OVCH1: variants seen among roughly 807,000 people sequenced by gnomAD.
The protein encoded by OVCH1 is ovochymase-1.
A neutral mutation model predicts 138.4 loss-of-function variants in OVCH1; 139 were observed. The ratio of observed to expected loss-of-function variants is 1.00; its 90% CI spans 0.87 to 1.16. OVCH1 has a LOEUF of 1.16. Ranked by LOEUF, OVCH1 falls within the 50% of genes most tolerant of loss-of-function variation. The pLI, the probability that OVCH1 is intolerant of heterozygous loss-of-function variation, is 0.00. For missense variants in OVCH1, 1,367 were observed against 1,357.9 expected, an observed-to-expected ratio of 1.01 and a Z score of -0.11; for synonymous variants, 453 against 467.8, an observed-to-expected ratio of 0.97 and a Z score of 0.41.
intron 25 of OVCH1, chr12:29,439,532 CTA>C: frequency 1.5e-6 from 2 of 1,330,516 alleles, no homozygotes; most frequent in Non-Finnish European, 1.9e-6. Flanking sequence ...GGAAAAATCT[CTA>C]TCTCTACTAC....
At chr12:29,454,862 G>T (rs1941900229) in exon 21 of OVCH1, 1 of 1,611,394 alleles carries the variant, frequency 6.2e-7, no homozygotes. Context: ...GCACTGTCTG[G>T]TGAAGGTGTG....
At chr12:29,437,359 T>C (rs1941382851) in intron 26 of OVCH1, among the ~76,000 whole-genome samples, 1 of 152,224 alleles carries the variant, frequency 6.6e-6, no homozygotes, top group East Asian at 1.9e-4. Flanking sequence ...TTATTTATTG[T>C]ACTTAATAAT....
chr12:29,477,693 T>C (rs1942790051), intron 9 of OVCH1: 7 of 1,246,410 alleles, frequency 5.6e-6, no homozygotes, highest in Non-Finnish European at 7.8e-6. Flanking sequence ...CAAATTCTAC[T>C]TATTCTTCAG....
chr12:29,411,002 G>GT (rs940185197), downstream of OVCH1, among the ~76,000 whole-genome samples: 1 of 151,174 alleles, frequency 6.6e-6, no homozygotes, highest in African/African-American at 2.4e-5. Flanking sequence ...TGGAGGCTTA[G>GT]TTTTTTTTAT....
chr12:29,477,569 G>A (rs1942785423), exon 10 of OVCH1: 1 of 1,613,732 alleles, frequency 6.2e-7, no homozygotes, highest in East Asian at 2.2e-5. Context: ...TTCCATGAGA[G>A]ATCTCTGATC....
intron 3 of OVCH1, among the ~76,000 whole-genome samples, chr12:29,413,062 A>G (rs1163239174): frequency 1.4e-5 from 2 of 147,692 alleles, no homozygotes; most frequent in Non-Finnish European, 3.0e-5. Context: ...AGATCTTGCC[A>G]TTTTGCCTGA....
chr12:29,476,379 A>G lies in OVCH1; in HGVS notation c.1378-80T>C, dbSNP rs1288330253. ...TTAAAGGGTTTTCCTCTGTGTATTT[A>G]AAGGCTCTTTGTCACATCCTCATAT... On this transcript the variant is annotated intron_variant, in intron 12 of 27. Coordinates refer to ENST00000318184, the Ensembl canonical transcript of OVCH1. The G allele has an allele frequency of 2.5e-6, 3 of 1,180,168 alleles. No homozygotes were observed. In the East Asian group the frequency reaches 7.0e-5, roughly 28 times the overall value. The allele number at this position is 1,180,168 out of a possible 1,614,324, so 73.1% of individuals were successfully genotyped here. A position where few individuals can be genotyped will look rare whatever the true frequency, so the allele number is the denominator to read the frequency against.
chr12:29,418,760 C>T (rs961913449), intron 3 of OVCH1, among the ~76,000 whole-genome samples: 5 of 152,254 alleles, frequency 3.3e-5, no homozygotes, highest in Admixed American at 2.0e-4. Flanking sequence ...TTGTCTGTGA[C>T]AGTATTTGTC....
intron 20 of OVCH1, 74 bp downstream of exon 20, chr12:29,455,175 T>C (rs1273922176): frequency 2.0e-6 from 3 of 1,490,714 alleles, no homozygotes; most frequent in Non-Finnish European, 1.8e-6. Flanking sequence ...TGCTAATTTA[T>C]ACCACACTCA....
At chr12:29,455,455 C>T in intron 19 of OVCH1, 50 bp from the exon 20 acceptor site, 17 of 1,529,394 alleles carry the variant, frequency 1.1e-5, no homozygotes, top group Non-Finnish European at 1.4e-5. Context: ...ATCTGAAGCT[C>T]CTGCTTTCAG....
chr12:29,426,283 A>T (rs1026618962), downstream of OVCH1, among the ~76,000 whole-genome samples: 2 of 152,168 alleles, frequency 1.3e-5, no homozygotes, highest in Non-Finnish European at 2.9e-5. Context: ...AAAAGTGAGA[A>T]ATTTTGCTTT....
rs147792574 is a variant in OVCH1 at position 29,476,659 on chromosome 12, A to G, written c.1378-360T>C. 1.4e-4 allele frequency among the ~76,000 whole-genome samples: 22 copies of G among 152,146 alleles called. No homozygotes were observed. The East Asian group carries it at 2.9e-3, about 20-fold the overall frequency. ...TGAAATATCATACAATATTTTATGC[A>G]GTTATTAAGAAGAGCTCTGTGGGCT... On this transcript the variant is annotated intron_variant, in intron 12 of 27. Transcript: ENST00000318184.
At chr12:29,412,493 A>C (rs1321293483) in exon 5 of OVCH1, 1 of 152,254 alleles carries the variant, frequency 6.6e-6, no homozygotes, top group African/African-American at 2.4e-5. Context: ...CTTTAGATCC[A>C]TTATTTTAAA....
At chr12:29,489,006 G>T (rs1943200735) in intron 6 of OVCH1, among the ~76,000 whole-genome samples, 1 of 146,688 alleles carries the variant, frequency 6.8e-6, no homozygotes, top group African/African-American at 2.5e-5. Flanking sequence ...CTGCTTTTTG[G>T]CCAAGAATAA....
intron 3 of OVCH1, among the ~76,000 whole-genome samples, chr12:29,416,112 A>G (rs1022982693): frequency 3.9e-5 from 6 of 152,074 alleles, no homozygotes; most frequent in Non-Finnish European, 7.4e-5. Context: ...GATAGAGAGA[A>G]AAAGAGAGAA....
chr12:29,438,095 A>T (rs1406672453), intron 26 of OVCH1, among the ~76,000 whole-genome samples: 4 of 152,130 alleles, frequency 2.6e-5, no homozygotes, highest in Admixed American at 1.3e-4. Context: ...GTTTTCTTCT[A>T]CTACTTTTAT....
intron 1 of OVCH1, 141 bp from the exon 2 acceptor site, chr12:29,496,815 A>G (rs377020010): frequency 1.6e-6 from 1 of 621,056 alleles, no homozygotes; most frequent in African/African-American, 1.9e-5. Context: ...TTCTTCTCTC[A>G]ATATTTTCTT....
intron 13 of OVCH1, among the ~76,000 whole-genome samples, chr12:29,475,833 C>T (rs577528012): frequency 1.3e-5 from 2 of 152,242 alleles, no homozygotes; most frequent in South Asian, 2.1e-4. Flanking sequence ...GTCAGACCCA[C>T]GTAGAAATTA....
At chr12:29,451,559 A>G (rs1941796702) in exon 22 of OVCH1, 1 of 1,609,950 alleles carries the variant, frequency 6.2e-7, no homozygotes, top group African/African-American at 1.3e-5. Flanking sequence ...GCTCTGCTTC[A>G]GAGCAACAAC....
Sources: gnomAD v4.1 joint callset for allele counts (sites outside exome capture counted in the v4.1 genomes callset) on GRCh38, gnomAD v4.1.1 for gene constraint, MANE v1.5 for transcripts, NCBI Gene and HGNC (gene_info 2026-07-23, HGNC 2026-07-21) for gene names.